Variants in NEBL observed in about 807,000 individuals in gnomAD.
NEBL encodes the protein nebulette, also known as LIM and SH3 protein 2.
A neutral mutation model predicts 140.2 loss-of-function variants in NEBL; 122 were observed. The observed-to-expected ratio is 0.87, with a 90% CI of 0.75 to 1.01. The LOEUF (loss-of-function observed/expected upper bound fraction) is 1.01. Ranked by LOEUF, NEBL falls within the 50% of genes least tolerant of loss-of-function variation. NEBL has a pLI of 0.00. For synonymous variants in NEBL, 436 were observed against 398.9 expected, an observed-to-expected ratio of 1.09 and a Z score of -1.11; for missense variants, 1,365 against 1,231.3, an observed-to-expected ratio of 1.11 and a Z score of -1.62.
intron 3 of NEBL, among the ~76,000 whole-genome samples, chr10:20,970,619 A>AG (rs1302319275): frequency 4.6e-5 from 7 of 152,134 alleles, no homozygotes; most frequent in African/African-American, 1.7e-4. Context: ...ACTGCACTCC[A>AG]GCCTGGAAAA....
In NEBL at chr10:20,817,590, A is replaced by T; in HGVS notation, c.2148+10T>A. On this transcript the variant is annotated intron_variant, in intron 21 of 27. Coordinates refer to ENST00000377122, the MANE Select transcript of NEBL (RefSeq NM_006393.3). ...ATAGTGTAAGAAAAAAGTTACTAAG[A>T]TGATCACACATTGCTGATGTTTTTC... is the stretch of plus-strand genomic sequence containing the variant. The T allele has an allele frequency of 6.3e-7, 1 of 1,598,732 alleles. No individual in the cohort carries two copies. The highest frequency in any genetic ancestry group is 8.6e-7 in the Non-Finnish European group (1 of 1,166,042).
chr10:21,134,037 C>T (rs1335770372), intron 2 of NEBL, among the ~76,000 whole-genome samples: 1 of 152,048 alleles, frequency 6.6e-6, no homozygotes, highest in African/African-American at 2.4e-5. Flanking sequence ...GGTCAGCCTG[C>T]CTACATGGTG....
chr10:20,788,894 T>G (rs967535951), intron 26 of NEBL, among the ~76,000 whole-genome samples: 4 of 152,228 alleles, frequency 2.6e-5, no homozygotes, highest in Admixed American at 2.6e-4. Context: ...GGAAGCCTTG[T>G]CCATTGATTC....
intron 2 of NEBL, chr10:21,172,221 C>T (rs1841104533): frequency 1.5e-6 from 1 of 664,750 alleles, no homozygotes; most frequent in Non-Finnish European, 2.7e-6. Context: ...AAGCAGTGAT[C>T]GTCAACAAAG....
intron 26 of NEBL, among the ~76,000 whole-genome samples, chr10:20,788,076 C>T (rs1835585294): frequency 6.6e-6 from 1 of 152,218 alleles, no homozygotes; most frequent in South Asian, 2.1e-4. Flanking sequence ...AGGCATAGTT[C>T]CTGTTTTGAA....
intron 2 of NEBL, among the ~76,000 whole-genome samples, chr10:21,067,622 AG>A (rs1471249849): frequency 7.9e-5 from 12 of 152,294 alleles, no homozygotes; most frequent in African/African-American, 2.9e-4. Flanking sequence ...ACAGACCATT[AG>A]AACAAAGGCA....
chr10:21,236,040 C>A (rs901484306), intron 3 of NEBL, among the ~76,000 whole-genome samples: 8 of 152,308 alleles, frequency 5.3e-5, no homozygotes, highest in African/African-American at 1.9e-4. Flanking sequence ...ACATTCATAA[C>A]CCCCGTAGTC....
At position 20,831,550 on chromosome 10, in the gene NEBL, T is replaced by G; in HGVS notation, c.1483A>C (p.Lys495Gln). 1 of 1,611,776 alleles carries G rather than the reference T, an allele frequency of 6.2e-7. No individual in the cohort carries two copies. The highest frequency in any genetic ancestry group is 8.5e-7 in the Non-Finnish European group (1 of 1,178,526). The stretch of plus-strand genomic sequence containing the variant: ...GTGCTCACCTGCATCCCTTTCCCTT[T>G]AATTTCAGTCTCCAGATCTCTTTTA... ...DYKRDLETEI[K>Q]GKGMQVSTDT... The change falls in exon 15 of 28, where the codon AAA becomes CAA. Residue 495 changes from lysine to glutamine, a missense_variant. By Grantham distance (53) the Lys-to-Gln change is moderately conservative. Transcript: ENST00000377122.
intron 2 of NEBL, among the ~76,000 whole-genome samples, chr10:21,076,563 A>G (rs886309084): frequency 6.6e-6 from 1 of 152,008 alleles, no homozygotes; most frequent in Non-Finnish European, 1.5e-5. Context: ...TTATACATCC[A>G]TGGTCATAGC....
chr10:21,004,260 T>C (rs532767194), intron 3 of NEBL, among the ~76,000 whole-genome samples: 6 of 152,222 alleles, frequency 3.9e-5, no homozygotes, highest in African/African-American at 1.4e-4. Flanking sequence ...AATGCAGACA[T>C]CGTTATGAAT....
At position 21,242,416 on chromosome 10, in the gene NEBL, T is replaced by A. The variant is rs188184787; in HGVS notation, n.348+5505A>T. ...TCTCACGTATAACGGGAGCTAAACG[T>A]TGAAAATACACGGACACAAAGAAGG... On this transcript the variant is annotated intron_variant and non_coding_transcript_variant, in intron 3 of 8. Transcript: ENST00000675702. Among the ~76,000 whole-genome samples, 17 of 151,994 alleles carry A rather than the reference T, an allele frequency of 1.1e-4. No homozygotes were observed. The East Asian group carries it at 2.5e-3, about 22-fold the overall frequency.
chr10:21,146,315 T>G (rs780412388), intron 2 of NEBL: 2 of 1,592,518 alleles, frequency 1.3e-6, no homozygotes, highest in Non-Finnish European at 1.7e-6. Flanking sequence ...CCATGCAGTA[T>G]AAACCTGCCC....
intron 2 of NEBL, among the ~76,000 whole-genome samples, chr10:21,058,686 T>C (rs1835145193): frequency 6.6e-6 from 1 of 152,212 alleles, no homozygotes; most frequent in African/African-American, 2.4e-5. Context: ...TTCCCAATTA[T>C]AATATCAGAG....
intron 1 of NEBL, among the ~76,000 whole-genome samples, chr10:21,288,808 A>C (rs1843097023): frequency 1.2e-5 from 1 of 81,954 alleles, no homozygotes; most frequent in African/African-American, 4.9e-5. Context: ...GACAATATAT[A>C]CGTGTGTGTG....
At chr10:20,969,408 T>C (rs1303552595) in intron 3 of NEBL, among the ~76,000 whole-genome samples, 1 of 151,816 alleles carries the variant, frequency 6.6e-6, no homozygotes, top group African/African-American at 2.4e-5. Flanking sequence ...ATATTTACTG[T>C]TTTGTCAGTT....
At chr10:20,898,157 C>T (rs1038540696), upstream of NEBL, among the ~76,000 whole-genome samples, 7 of 151,870 alleles carry the variant, frequency 4.6e-5, no homozygotes, top group African/African-American at 1.2e-4. Flanking sequence ...TCCTTGGTTA[C>T]GTAAAACCAA....
chr10:21,249,792 A>G (rs2132271573), intron 2 of NEBL, among the ~76,000 whole-genome samples: 1 of 152,280 alleles, frequency 6.6e-6, no homozygotes, highest in East Asian at 1.9e-4. Flanking sequence ...GGCTGGGTGC[A>G]GTGGCTCACA....
intron 2 of NEBL, among the ~76,000 whole-genome samples, chr10:21,092,335 G>C (rs1225678084): frequency 6.6e-6 from 1 of 152,144 alleles, no homozygotes; most frequent in Admixed American, 6.5e-5. Flanking sequence ...CTGTTTGCCT[G>C]TGCTTCTAAA....
chr10:21,139,521 T>C (rs1202654257), intron 2 of NEBL, among the ~76,000 whole-genome samples: 2 of 152,146 alleles, frequency 1.3e-5, no homozygotes, highest in African/African-American at 2.4e-5. Flanking sequence ...CTATCTGTTG[T>C]CAAAGAAATT....
Sources: gnomAD v4.1 joint callset for allele counts (sites outside exome capture counted in the v4.1 genomes callset) on GRCh38, gnomAD v4.1.1 for gene constraint, MANE v1.5 for transcripts, NCBI Gene and HGNC (gene_info 2026-07-23, HGNC 2026-07-21) for gene names.